Variants in BMERB1 observed in about 807,000 individuals in gnomAD.
BMERB1 encodes the protein bMERB domain containing 1, also known as bMERB domain-containing protein 1.
In BMERB1, 12 loss-of-function variants were observed where a neutral mutation model predicts 23.6. That is an observed-to-expected ratio of 0.51 (90% CI 0.33 to 0.82). The LOEUF is 0.82. Among genes scored for constraint, BMERB1 ranks in the 40% least tolerant of loss-of-function variants. BMERB1 has a pLI of 0.03. For missense variants in BMERB1, 247 were observed against 255.4 expected, an observed-to-expected ratio of 0.97 and a Z score of 0.22; for synonymous variants, 122 against 96.6, an observed-to-expected ratio of 1.26 and a Z score of -1.54.
chr16:15,481,975 C>T (rs1234647937), intron 1 of BMERB1, among the ~76,000 whole-genome samples: 4 of 151,984 alleles, frequency 2.6e-5, no homozygotes, highest in African/African-American at 9.7e-5. Context: ...AAGTGATCTG[C>T]CCACCTCAGC....
chr16:15,485,696 GT>G (rs549673702), intron 1 of BMERB1, among the ~76,000 whole-genome samples: 36 of 150,964 alleles, frequency 2.4e-4, no homozygotes, highest in Middle Eastern at 3.4e-3. Context: ...ACATTTGTGG[GT>G]TTTTTCCCCC....
At chr16:15,512,038 A>AAAAAAAAAAAG (rs1555509799) in intron 1 of BMERB1, among the ~76,000 whole-genome samples, 1 of 148,298 alleles carries the variant, frequency 6.7e-6, no homozygotes, top group Non-Finnish European at 1.5e-5. Context: ...AAAAAAAAAA[A>AAAAAAAAAAAG]GGGGGAATTG....
intron 2 of BMERB1, among the ~76,000 whole-genome samples, chr16:15,527,251 C>A (rs889527949): frequency 1.3e-5 from 2 of 152,144 alleles, no homozygotes; most frequent in Admixed American, 6.5e-5. Context: ...TTTCCCCTGG[C>A]TCCTGGTAAC....
At chr16:15,563,485 C>T (rs142983408) in intron 2 of BMERB1, among the ~76,000 whole-genome samples, 3,037 of 152,022 alleles carry the variant, frequency 0.02, 105 homozygotes, top group African/African-American at 0.069. Flanking sequence ...TCCCAAAGTG[C>T]TGGGATTACA....
chr16:15,440,529 G>T (rs1444791201), intron 1 of BMERB1, among the ~76,000 whole-genome samples: 2 of 152,004 alleles, frequency 1.3e-5, no homozygotes, highest in Non-Finnish European at 2.9e-5. Flanking sequence ...ACTATCTTCT[G>T]TTTGGTTACA....
rs567651537 is a variant in BMERB1, at chr16:15,457,795, AC to A, written c.106+23039del. ...CATTCTCACGCTGCTATAAAGAAATACCCAAGATTGGGTAATTTATAAAGGA... is the reference window on the plus strand; with the variant it reads ...CATTCTCACGCTGCTATAAAGAAATACCAAGATTGGGTAATTTATAAAGGA... On this transcript the variant is annotated intron_variant, in intron 1 of 5. Coordinates refer to ENST00000300006, the MANE Select transcript of BMERB1 (RefSeq NM_033201.3). 4.4e-4 allele frequency among the ~76,000 whole-genome samples: 67 copies of A among 152,272 alleles called. 1 individual carries two copies. Among genetic ancestry groups the A allele is most frequent in the African/African-American group, 1.4e-3 (57 of 41,550 alleles).
chr16:15,548,494 T>A (rs1288278615), intron 2 of BMERB1, among the ~76,000 whole-genome samples: 1 of 152,172 alleles, frequency 6.6e-6, no homozygotes, highest in Non-Finnish European at 1.5e-5. Flanking sequence ...AACCAGTTGT[T>A]CAACTGTGGG....
At chr16:15,468,582 C>T (rs562147125) in intron 1 of BMERB1, among the ~76,000 whole-genome samples, 1 of 152,292 alleles carries the variant, frequency 6.6e-6, no homozygotes, top group South Asian at 2.1e-4. Flanking sequence ...CTTTGACATG[C>T]CCTTGGCTGA....
chr16:15,491,101 C>T (rs1236262608), intron 1 of BMERB1, among the ~76,000 whole-genome samples: 8 of 152,226 alleles, frequency 5.3e-5, no homozygotes, highest in African/African-American at 1.9e-4. Flanking sequence ...CTTCCCGCCT[C>T]GGCCTCCCAA....
At chr16:15,540,929 G>A (rs568218715) in intron 2 of BMERB1, among the ~76,000 whole-genome samples, 4 of 152,030 alleles carry the variant, frequency 2.6e-5, no homozygotes, top group Non-Finnish European at 5.9e-5. Flanking sequence ...TGCCAACTGG[G>A]TGCCCAAGCA....
intron 2 of BMERB1, among the ~76,000 whole-genome samples, chr16:15,539,947 G>A (rs545601640): frequency 6.6e-6 from 1 of 152,230 alleles, no homozygotes; most frequent in South Asian, 2.1e-4. Flanking sequence ...GATCACTTGA[G>A]CCTAGGAGTT....
chr16:15,483,506 A>G (rs1238223179), intron 1 of BMERB1, among the ~76,000 whole-genome samples: 3 of 152,018 alleles, frequency 2.0e-5, no homozygotes, highest in Non-Finnish European at 2.9e-5. Flanking sequence ...CAGCCTCTCA[A>G]GTAGCTGGGG....
chr16:15,582,549 C>G (rs1281693346), intron 4 of BMERB1, among the ~76,000 whole-genome samples: 1 of 152,090 alleles, frequency 6.6e-6, no homozygotes, highest in African/African-American at 2.4e-5. Flanking sequence ...ACCCCCCTAT[C>G]TCTACAATTT....
chr16:15,517,520 A>G (rs1007060451), intron 2 of BMERB1, among the ~76,000 whole-genome samples: 39 of 152,094 alleles, frequency 2.6e-4, no homozygotes, highest in Admixed American at 9.2e-4. Context: ...AAATAATAAT[A>G]AAATAAAAGG....
intron 1 of BMERB1, among the ~76,000 whole-genome samples, chr16:15,496,706 T>C (rs889329551): frequency 5.3e-5 from 8 of 151,882 alleles, no homozygotes; most frequent in Admixed American, 5.3e-4. Flanking sequence ...GCCCGGCTAA[T>C]TTTTTTTATT....
At chr16:15,578,068 G>GA (rs1567506034) in intron 3 of BMERB1, among the ~76,000 whole-genome samples, 1 of 152,264 alleles carries the variant, frequency 6.6e-6, no homozygotes, top group South Asian at 2.1e-4. Flanking sequence ...CCTTGGGGGG[G>GA]AAATCCCCTC....
rs1188203896 is a variant in BMERB1, at chr16:15,587,543, A to G, written c.*714A>G. On this transcript the variant is annotated 3_prime_UTR_variant, in exon 6 of 6. Transcript: ENST00000300006. ...AGGGGGCCTGGACTGGCATGGATCC[A>G]GTGTGCAGAAGAGCCAGCAGGGAAC... is the stretch of plus-strand genomic sequence containing the variant. 4.4e-6 allele frequency: 2 copies of G among 452,618 alleles called. No homozygotes were observed. The highest frequency in any genetic ancestry group is 4.5e-6 in the Non-Finnish European group (1 of 224,672). The allele number at this position is 452,618 out of a possible 1,614,324, so 28.0% of individuals were successfully genotyped here.
At chr16:15,513,099 G>T (rs148825464) in intron 1 of BMERB1, among the ~76,000 whole-genome samples, 2 of 151,942 alleles carry the variant, frequency 1.3e-5, no homozygotes, top group Non-Finnish European at 2.9e-5. Flanking sequence ...CTCCTGCCCC[G>T]AGTCTCCCCC....
intron 3 of BMERB1, 115 bp downstream of exon 3, chr16:15,568,171 C>A: frequency 1.3e-6 from 1 of 786,274 alleles, no homozygotes; most frequent in East Asian, 2.7e-5. Context: ...GCAGTGCTCC[C>A]TGACTGCATG....
Sources: gnomAD v4.1 joint callset for allele counts (sites outside exome capture counted in the v4.1 genomes callset) on GRCh38, gnomAD v4.1.1 for gene constraint, MANE v1.5 for transcripts, NCBI Gene and HGNC (gene_info 2026-07-23, HGNC 2026-07-21) for gene names.